The following CCSER1 variants were observed in gnomAD, a reference collection of about 807,000 sequenced individuals.
CCSER1 encodes serine-rich coiled-coil domain-containing protein 1.
Under a neutral mutation model 82.0 loss-of-function variants are expected in CCSER1, and 41 were observed. The observed-to-expected ratio is 0.50, with a 90% CI of 0.39 to 0.65. CCSER1 has a LOEUF of 0.65. Among genes scored for constraint, CCSER1 ranks in the 30% least tolerant of loss-of-function variants. The probability of loss-of-function intolerance (pLI) is 0.00; values close to 1 mark genes in which losing one functional copy is unlikely to be tolerated. For missense variants in CCSER1, 1,119 were observed against 1,064.2 expected (o/e 1.05, Z -0.72); for synonymous variants, 414 against 383.9 (o/e 1.08, Z -0.92).
At chr4:90,449,718 T>C (rs1367679030) in intron 4 of CCSER1, among the ~76,000 whole-genome samples, 4 of 152,172 alleles carry the variant, frequency 2.6e-5, no homozygotes, top group Admixed American at 6.5e-5. Flanking sequence ...ACAACTTTGC[T>C]CCGAAATCAG....
At chr4:90,842,516 A>G (rs112360366) in intron 8 of CCSER1, among the ~76,000 whole-genome samples, 2,471 of 152,268 alleles carry the variant, frequency 0.016, 34 homozygotes, top group Non-Finnish European at 0.02. Flanking sequence ...TCAGCACTGG[A>G]GTCAGAAAGG....
At chr4:91,345,468 GTATT>G (rs533512780) in intron 10 of CCSER1, among the ~76,000 whole-genome samples, 23 of 152,190 alleles carry the variant, frequency 1.5e-4, no homozygotes, top group East Asian at 1.2e-3. Context: ...CAATGAATAA[GTATT>G]TATTTAGGTA....
At chr4:90,224,156 C>T (rs903887484) in intron 1 of CCSER1, among the ~76,000 whole-genome samples, 2 of 152,140 alleles carry the variant, frequency 1.3e-5, no homozygotes, top group Admixed American at 6.5e-5. Flanking sequence ...TATCTGTGTA[C>T]AGAACCCAGC....
chr4:91,401,895 A>T (rs1480418165), intron 10 of CCSER1, among the ~76,000 whole-genome samples: 3 of 152,168 alleles, frequency 2.0e-5, no homozygotes, highest in African/African-American at 7.2e-5. Context: ...CATGATTTAT[A>T]ATCCTTTGGG....
chr4:90,165,895 A>C (rs1578278269), intron 1 of CCSER1, among the ~76,000 whole-genome samples: 1 of 152,186 alleles, frequency 6.6e-6, no homozygotes, highest in East Asian at 1.9e-4. Flanking sequence ...GAGGATCATT[A>C]CTTCAGTAAT....
At chr4:90,782,826 T>C (rs7340817) in intron 7 of CCSER1, among the ~76,000 whole-genome samples, 80,243 of 150,736 alleles carry the variant, frequency 0.53, 21,932 homozygotes, top group African/African-American at 0.66. Flanking sequence ...GGACTACAGG[T>C]GCCAGCCATC....
At chr4:90,403,770 T>C (rs1000058768) in intron 4 of CCSER1, among the ~76,000 whole-genome samples, 1 of 152,146 alleles carries the variant, frequency 6.6e-6, no homozygotes, top group Non-Finnish European at 1.5e-5. Context: ...TGGTAGTTTA[T>C]AGTAGGGCTT....
chr4:90,814,300 G>T (rs537682861), intron 7 of CCSER1, among the ~76,000 whole-genome samples: 62 of 152,332 alleles, frequency 4.1e-4, no homozygotes, highest in Non-Finnish European at 5.7e-4. Flanking sequence ...TGTAATGGGA[G>T]AGGCTGCTTC....
At chr4:90,626,971 A>G (rs115960678) in intron 5 of CCSER1, among the ~76,000 whole-genome samples, 2,083 of 152,262 alleles carry the variant, frequency 0.014, 55 homozygotes, top group African/African-American at 0.048. Flanking sequence ...ACTTATCTGT[A>G]CTTTATTTCA....
chr4:90,231,128 C>T (rs1342001422), intron 1 of CCSER1, among the ~76,000 whole-genome samples: 1 of 152,010 alleles, frequency 6.6e-6, no homozygotes, highest in East Asian at 1.9e-4. Context: ...TTTATGAGGC[C>T]AGCATCATCC....
chr4:91,405,569 C>G (rs1321718130), intron 10 of CCSER1, among the ~76,000 whole-genome samples: 1 of 152,198 alleles, frequency 6.6e-6, no homozygotes, highest in African/African-American at 2.4e-5. Flanking sequence ...ACTGAAGCCT[C>G]AGCAATGGCT....
intron 3 of CCSER1, among the ~76,000 whole-genome samples, chr4:90,326,179 C>T (rs1290999998): frequency 6.6e-6 from 1 of 151,600 alleles, no homozygotes; most frequent in South Asian, 2.1e-4. Context: ...CTGCCTCAGC[C>T]TCCTGAGTAG....
intron 8 of CCSER1, among the ~76,000 whole-genome samples, chr4:90,871,122 A>C (rs556488405): frequency 1.4e-5 from 2 of 143,812 alleles, no homozygotes; most frequent in South Asian, 4.3e-4. Flanking sequence ...TTTTCAAAAA[A>C]TTAACTTTTC....
At chr4:90,840,966 T>G (rs1254790917) in intron 8 of CCSER1, among the ~76,000 whole-genome samples, 1 of 152,136 alleles carries the variant, frequency 6.6e-6, no homozygotes, top group Admixed American at 6.5e-5. Flanking sequence ...ATAAAGCAGA[T>G]TACCTAAGAT....
intron 10 of CCSER1, among the ~76,000 whole-genome samples, chr4:91,219,174 A>G (rs138139851): frequency 7.2e-5 from 11 of 152,296 alleles, no homozygotes; most frequent in Admixed American, 4.6e-4. Context: ...TCATTCCTCA[A>G]AAACACATCT....
chr4:90,707,538 A>AATAT (rs1553992151), intron 6 of CCSER1, among the ~76,000 whole-genome samples: 3 of 138,080 alleles, frequency 2.2e-5, no homozygotes, highest in Admixed American at 7.5e-5. Flanking sequence ...TTAAAAAAAA[A>AATAT]ATATATATAT....
chr4:91,582,208 CAAG>C (rs1311147138), intron 10 of CCSER1, among the ~76,000 whole-genome samples: 7 of 151,448 alleles, frequency 4.6e-5, no homozygotes, highest in African/African-American at 9.7e-5. Flanking sequence ...TACATGTAGG[CAAG>C]AAGAAGTTTG....
At chr4:90,514,581 C>T (rs932635074) in intron 5 of CCSER1, among the ~76,000 whole-genome samples, 3 of 151,878 alleles carry the variant, frequency 2.0e-5, no homozygotes, top group African/African-American at 4.8e-5. Flanking sequence ...CATAGTGAAA[C>T]CCCATCTCTA....
intron 6 of CCSER1, among the ~76,000 whole-genome samples, chr4:90,671,587 G>A (rs1732813042): frequency 6.6e-6 from 1 of 151,914 alleles, no homozygotes; most frequent in African/African-American, 2.4e-5. Context: ...TTCCTCTCCT[G>A]AAGTCTTTGA....
Sources: allele counts gnomAD v4.1 joint callset (sites outside exome capture counted in the v4.1 genomes callset), GRCh38; gene constraint gnomAD v4.1.1; transcripts MANE v1.5; gene names NCBI Gene and HGNC (gene_info 2026-07-23, HGNC 2026-07-21).